TMC1: variants seen among roughly 807,000 people sequenced by gnomAD.
TMC1 encodes transmembrane channel-like protein 1.
Under a neutral mutation model 105.8 loss-of-function variants are expected in TMC1, and 84 were observed. That is an observed-to-expected ratio of 0.79 (90% CI 0.67 to 0.95). The LOEUF (loss-of-function observed/expected upper bound fraction) is 0.95, where lower values mean the gene tolerates loss of function less well. Among genes scored for constraint, TMC1 ranks in the 40% least tolerant of loss-of-function variants. The probability of loss-of-function intolerance (pLI) is 0.00; values close to 1 mark genes in which losing one functional copy is unlikely to be tolerated. For synonymous variants in TMC1, 315 were observed against 311.5 expected, an observed-to-expected ratio of 1.01 and a Z score of -0.12; for missense variants, 817 against 914.1, an observed-to-expected ratio of 0.89 and a Z score of 1.37.
intron 15 of TMC1, among the ~76,000 whole-genome samples, chr9:72,790,938 A>G (rs1181475092): frequency 6.6e-6 from 1 of 152,166 alleles, no homozygotes. Context: ...TAGTTATTAT[A>G]ATTATTCACA....
At chr9:72,533,910 A>G (rs559204666) in intron 1 of TMC1, among the ~76,000 whole-genome samples, 2 of 152,250 alleles carry the variant, frequency 1.3e-5, no homozygotes, top group African/African-American at 4.8e-5. Flanking sequence ...AGGGAGGTGG[A>G]TCACTTGAGG....
intron 4 of TMC1, among the ~76,000 whole-genome samples, chr9:72,637,500 T>C (rs777376368): frequency 1.3e-5 from 2 of 152,164 alleles, no homozygotes; most frequent in African/African-American, 4.8e-5. Flanking sequence ...TCCTCTGAGC[T>C]GTTCAGTATT....
chr9:72,642,925 G>A (rs995065030), intron 4 of TMC1, among the ~76,000 whole-genome samples: 2 of 151,944 alleles, frequency 1.3e-5, no homozygotes, highest in African/African-American at 2.4e-5. Context: ...CCTGACAATC[G>A]CTAATAAATT....
At chr9:72,627,551 G>A (rs1288560057) in intron 3 of TMC1, among the ~76,000 whole-genome samples, 4 of 152,136 alleles carry the variant, frequency 2.6e-5, no homozygotes, top group South Asian at 4.1e-4. Context: ...TTTCCTTGCC[G>A]GAGATGCTTG....
chr9:72,756,755 A>G (rs533735921), intron 12 of TMC1, among the ~76,000 whole-genome samples: 2 of 152,344 alleles, frequency 1.3e-5, no homozygotes, highest in South Asian at 2.1e-4. Context: ...TCTGAAGTTT[A>G]AATACTTCTG....
intron 5 of TMC1, among the ~76,000 whole-genome samples, chr9:72,657,132 G>C (rs1206279869): frequency 2.0e-5 from 3 of 152,162 alleles, no homozygotes; most frequent in African/African-American, 7.2e-5. Context: ...CACTGTTTCT[G>C]TTATTCTATC....
At chr9:72,696,505 T>C (rs1397769150) in intron 7 of TMC1, among the ~76,000 whole-genome samples, 2 of 152,222 alleles carry the variant, frequency 1.3e-5, no homozygotes, top group African/African-American at 2.4e-5. Context: ...AAGAAAATCT[T>C]AGATAATATT....
rs189783031 is a variant in TMC1 at position 72,655,093 on chromosome 9, T to G, written c.16+6429T>G. On this transcript the variant is annotated intron_variant, in intron 5 of 23. Coordinates refer to ENST00000297784, the MANE Select transcript of TMC1 (RefSeq NM_138691.3). ...CATGAGGGCCGTTCGCCCCATGCTG[T>G]TCTCCTAATAATGAGTGAGTCTCAT... Among the ~76,000 whole-genome samples, 8 of 152,278 alleles carry G rather than the reference T, an allele frequency of 5.3e-5. No individual in the cohort carries two copies. The East Asian group carries it at 1.5e-3, about 29-fold the overall frequency.
intron 5 of TMC1, among the ~76,000 whole-genome samples, chr9:72,671,138 G>A (rs576926634): frequency 1.3e-5 from 2 of 152,310 alleles, no homozygotes; most frequent in East Asian, 1.9e-4. Flanking sequence ...TAGGTTTGAT[G>A]AAGAATGGAT....
At chr9:72,590,985 T>A (rs548228942) in intron 2 of TMC1, among the ~76,000 whole-genome samples, 11 of 152,008 alleles carry the variant, frequency 7.2e-5, no homozygotes, top group Non-Finnish European at 1.5e-4. Flanking sequence ...AAGTGAGGAT[T>A]CCTAGGCAAA....
intron 3 of TMC1, among the ~76,000 whole-genome samples, chr9:72,622,083 A>G (rs1265161898): frequency 2.6e-5 from 4 of 152,146 alleles, no homozygotes; most frequent in Admixed American, 2.6e-4. Context: ...GGGATATTCA[A>G]CTTTGTCAAT....
intron 12 of TMC1, among the ~76,000 whole-genome samples, chr9:72,760,056 G>GT (rs551242249): frequency 2.7e-4 from 41 of 150,616 alleles, no homozygotes; most frequent in South Asian, 6.4e-4. Flanking sequence ...GAGCTTTCAT[G>GT]TTTTTTTTTC....
At chr9:72,647,922 A>G (rs11143361) in intron 4 of TMC1, among the ~76,000 whole-genome samples, 35,400 of 148,158 alleles carry the variant, frequency 0.24, 4,399 homozygotes, top group East Asian at 0.38. Context: ...CTTTCTTTTC[A>G]CTGATGGAAA....
chr9:72,592,414 T>C (rs1824654171), intron 2 of TMC1, among the ~76,000 whole-genome samples: 1 of 152,156 alleles, frequency 6.6e-6, no homozygotes, highest in South Asian at 2.1e-4. Context: ...ACTCTTATCA[T>C]TGGTGTCAAA....
intron 1 of TMC1, among the ~76,000 whole-genome samples, chr9:72,561,317 C>CAAAAA (rs375862130): frequency 1.2e-4 from 9 of 76,374 alleles, no homozygotes; most frequent in Admixed American, 3.4e-4. Flanking sequence ...GACTCCGTCT[C>CAAAAA]AAAAAAAAAA....
intron 5 of TMC1, among the ~76,000 whole-genome samples, chr9:72,653,224 T>G (rs1825839377): frequency 6.6e-6 from 1 of 152,176 alleles, no homozygotes; most frequent in Admixed American, 6.5e-5. Context: ...TATAGATTCA[T>G]GTGTTTGGGG....
At chr9:72,831,460 T>A (rs551595539) in intron 23 of TMC1, among the ~76,000 whole-genome samples, 1 of 152,158 alleles carries the variant, frequency 6.6e-6, no homozygotes, top group South Asian at 2.1e-4. Context: ...AATTATACTT[T>A]AAGTTCTAGG....
In TMC1 at chr9:72,712,059, G is replaced by T. The variant is rs552679482; in HGVS notation, c.362+11416G>T. On this transcript the variant is annotated intron_variant, in intron 8 of 23. Coordinates refer to ENST00000297784, the MANE Select transcript of TMC1 (RefSeq NM_138691.3). ...CCCATTGTTTGTTTTTGTCAGGTTT[G>T]TCAAAGATCAGATGGTTGTAGATGT... Among the ~76,000 whole-genome samples, 19 of 152,236 alleles carry T rather than the reference G, an allele frequency of 1.2e-4. No individual in the cohort carries two copies. The South Asian group carries it at 3.9e-3, about 32-fold the overall frequency.
At chr9:72,685,168 G>A (rs376894983) in intron 5 of TMC1, among the ~76,000 whole-genome samples, 16 of 139,022 alleles carry the variant, frequency 1.2e-4, no homozygotes, top group Admixed American at 1.6e-4. Context: ...GTGCAGTGGC[G>A]CTATCTCAGC....
Sources: allele counts gnomAD v4.1 joint callset (sites outside exome capture counted in the v4.1 genomes callset), GRCh38; gene constraint gnomAD v4.1.1; transcripts MANE v1.5; gene names NCBI Gene and HGNC (gene_info 2026-07-23, HGNC 2026-07-21).